MYO1D: variants seen among roughly 807,000 people sequenced by gnomAD.
The protein encoded by MYO1D is myosin ID.
A neutral mutation model predicts 122.0 loss-of-function variants in MYO1D; 83 were observed. The observed-to-expected ratio is 0.68, with a 90% CI of 0.57 to 0.82. MYO1D has a LOEUF of 0.82. MYO1D is among the 40% of genes least tolerant of loss of function. The pLI is 0.00. For missense variants in MYO1D, 1,157 were observed against 1,269.5 expected (o/e 0.91, Z 1.35); for synonymous variants, 464 against 446.9 (o/e 1.04, Z -0.48).
intron 21 of MYO1D, among the ~76,000 whole-genome samples, chr17:32,551,965 T>A (rs2087019444): frequency 1.3e-5 from 2 of 152,256 alleles, no homozygotes; most frequent in East Asian, 1.9e-4. Flanking sequence ...GTCCACCTGT[T>A]CTTCCCTATC....
At chr17:32,732,030 C>T (rs1314583688) in intron 14 of MYO1D, among the ~76,000 whole-genome samples, 2 of 152,222 alleles carry the variant, frequency 1.3e-5, no homozygotes, top group East Asian at 3.8e-4. Flanking sequence ...TGTTGCAACC[C>T]AGCTGGGTAT....
intron 1 of MYO1D, among the ~76,000 whole-genome samples, chr17:32,844,782 T>C (rs1014946797): frequency 6.6e-6 from 1 of 152,194 alleles, no homozygotes. Flanking sequence ...AAAGTAATAC[T>C]GATGTGCATG....
chr17:32,856,050 C>T (rs529419807), intron 1 of MYO1D, among the ~76,000 whole-genome samples: 3 of 152,232 alleles, frequency 2.0e-5, no homozygotes, highest in African/African-American at 7.2e-5. Context: ...ATCTTAGTTG[C>T]CATCAATCAG....
At chr17:32,811,614 C>CTTTT (rs2090572783) in intron 1 of MYO1D, among the ~76,000 whole-genome samples, 1 of 118,930 alleles carries the variant, frequency 8.4e-6, no homozygotes, top group East Asian at 2.3e-4. Context: ...AACCCTCACC[C>CTTTT]TCTTTTTTTT....
At chr17:32,512,046 A>T (rs180794923) in intron 21 of MYO1D, among the ~76,000 whole-genome samples, 1 of 152,132 alleles carries the variant, frequency 6.6e-6, no homozygotes, top group Non-Finnish European at 1.5e-5. Context: ...CATGTCTGTA[A>T]TCCCAGCACT....
chr17:32,514,603 T>C (rs989692285), intron 21 of MYO1D, among the ~76,000 whole-genome samples: 1 of 152,232 alleles, frequency 6.6e-6, no homozygotes, highest in African/African-American at 2.4e-5. Flanking sequence ...TGGTGACCTA[T>C]AAAAATTTGG....
At chr17:32,662,994 T>C (rs1034517611) in intron 16 of MYO1D, among the ~76,000 whole-genome samples, 2 of 150,966 alleles carry the variant, frequency 1.3e-5, no homozygotes, top group African/African-American at 4.9e-5. Flanking sequence ...CTTGGCTCAC[T>C]GCAAGCTCCA....
intron 11 of MYO1D, among the ~76,000 whole-genome samples, chr17:32,754,264 T>C (rs896933082): frequency 1.3e-5 from 2 of 152,212 alleles, no homozygotes; most frequent in African/African-American, 4.8e-5. Context: ...TTAGGTGACT[T>C]CTAACTTTGC....
At chr17:32,686,348 A>G (rs917075641) in intron 16 of MYO1D, 3 of 152,248 alleles carry the variant, frequency 2.0e-5, no homozygotes, top group Non-Finnish European at 2.9e-5. Context: ...AGCTGGGAGA[A>G]GCAAGGAATA....
intron 16 of MYO1D, among the ~76,000 whole-genome samples, chr17:32,683,527 C>T (rs1271493781): frequency 6.6e-6 from 1 of 152,036 alleles, no homozygotes; most frequent in East Asian, 1.9e-4. Context: ...TGTCAGTGTG[C>T]CCCTGCTGGG....
chr17:32,632,306 T>A (rs796179289), intron 20 of MYO1D: 9 of 152,268 alleles, frequency 5.9e-5, no homozygotes, highest in African/African-American at 1.4e-4. Flanking sequence ...TAGACATGTT[T>A]TTTTTATTTG....
chr17:32,805,600 C>G lies in MYO1D; in HGVS notation c.96-24816G>C, dbSNP rs563110367. Among the ~76,000 whole-genome samples the G allele has an allele frequency of 2.0e-5, 3 of 151,402 alleles. No homozygotes were observed. In the South Asian group the frequency reaches 6.3e-4, roughly 32 times the overall value. On this transcript the variant is annotated intron_variant, in intron 1 of 21. Transcript: ENST00000318217. Reference sequence around the variant, plus strand: ...TTATTTGCAGAGATGACTAATGAAGCAATCAAACCATCAAAATTAGACAGC... The same window carrying G: ...TTATTTGCAGAGATGACTAATGAAGGAATCAAACCATCAAAATTAGACAGC...
intron 21 of MYO1D, among the ~76,000 whole-genome samples, chr17:32,546,224 G>A (rs1412635435): frequency 6.6e-6 from 1 of 152,160 alleles, no homozygotes. Flanking sequence ...TTTGAGGGCT[G>A]AACAGTAGCT....
chr17:32,612,696 C>CAAAAAAAAAA (rs1158470135), intron 20 of MYO1D, among the ~76,000 whole-genome samples: 20 of 104,602 alleles, frequency 1.9e-4, no homozygotes, highest in East Asian at 3.0e-4. Flanking sequence ...AAAAAAAAAA[C>CAAAAAAAAAA]AAAAAAAAAA....
chr17:32,626,840 G>A (rs2087933790), intron 20 of MYO1D, among the ~76,000 whole-genome samples: 1 of 152,118 alleles, frequency 6.6e-6, no homozygotes, highest in African/African-American at 2.4e-5. Flanking sequence ...ACATTTCTTA[G>A]AAGTATTTTA....
intron 1 of MYO1D, among the ~76,000 whole-genome samples, chr17:32,805,478 A>C (rs2090502333): frequency 6.6e-6 from 1 of 152,220 alleles, no homozygotes; most frequent in African/African-American, 2.4e-5. Context: ...GTTCAGAGAA[A>C]TGAAGACCAA....
chr17:32,836,132 G>A (rs2090820454), intron 1 of MYO1D, among the ~76,000 whole-genome samples: 1 of 152,112 alleles, frequency 6.6e-6, no homozygotes. Flanking sequence ...CCAACCATAT[G>A]ATATATTCAC....
At chr17:32,643,412 T>C (rs2088234154) in intron 19 of MYO1D, among the ~76,000 whole-genome samples, 1 of 152,214 alleles carries the variant, frequency 6.6e-6, no homozygotes, top group Admixed American at 6.5e-5. Context: ...TGCCAGGCTT[T>C]GGTATCAGGA....
At chr17:32,526,515 C>T (rs775993950) in intron 21 of MYO1D, among the ~76,000 whole-genome samples, 1 of 152,044 alleles carries the variant, frequency 6.6e-6, no homozygotes, top group Admixed American at 6.6e-5. Context: ...AGATTAATAC[C>T]TAAATACAAA....
Sources: allele counts gnomAD v4.1 joint callset (sites outside exome capture counted in the v4.1 genomes callset), GRCh38; gene constraint gnomAD v4.1.1; transcripts MANE v1.5; gene names NCBI Gene and HGNC (gene_info 2026-07-23, HGNC 2026-07-21).